The following ZFPM2 variants were observed in gnomAD, a reference collection of about 807,000 sequenced individuals.
The protein encoded by ZFPM2 is zinc finger protein ZFPM2.
ZFPM2 carries 20 observed loss-of-function variants against 98.6 expected under a neutral mutation model. The observed-to-expected ratio is 0.20, with a 90% CI of 0.14 to 0.29. The LOEUF is 0.29. Among genes scored for constraint, ZFPM2 ranks in the 10% least tolerant of loss-of-function variants. The pLI is 1.00. For synonymous variants in ZFPM2, 518 were observed against 502.7 expected, an observed-to-expected ratio of 1.03 and a Z score of -0.41; for missense variants, 1,310 against 1,388.6, an observed-to-expected ratio of 0.94 and a Z score of 0.90.
chr8:105,329,787 A>G (rs1302430580), intron 1 of ZFPM2, among the ~76,000 whole-genome samples: 1 of 151,718 alleles, frequency 6.6e-6, no homozygotes, highest in Non-Finnish European at 1.5e-5. Flanking sequence ...GGTTGGCACA[A>G]TGGGAGAACT....
intron 1 of ZFPM2, among the ~76,000 whole-genome samples, chr8:105,406,227 G>A (rs1464213945): frequency 6.6e-6 from 1 of 152,038 alleles, no homozygotes. Flanking sequence ...TCTGTAGGTT[G>A]CCTGTTCACT....
At chr8:105,463,565 G>A (rs1812742084) in intron 3 of ZFPM2, among the ~76,000 whole-genome samples, 1 of 151,938 alleles carries the variant, frequency 6.6e-6, no homozygotes, top group African/African-American at 2.4e-5. Context: ...AGGACAACAT[G>A]TTTATTCATT....
intron 1 of ZFPM2, among the ~76,000 whole-genome samples, chr8:105,400,651 G>A (rs1811322145): frequency 2.6e-5 from 4 of 151,902 alleles, no homozygotes; most frequent in South Asian, 4.1e-4. Flanking sequence ...TGCACTTTTG[G>A]TATATATTTA....
intron 5 of ZFPM2, among the ~76,000 whole-genome samples, chr8:105,762,470 A>T (rs899867618): frequency 6.6e-6 from 1 of 151,770 alleles, no homozygotes; most frequent in Non-Finnish European, 1.5e-5. Flanking sequence ...GTCCTCTCAA[A>T]CCTTCATTTT....
At chr8:105,471,568 A>G (rs1196670627) in intron 3 of ZFPM2, among the ~76,000 whole-genome samples, 1 of 152,194 alleles carries the variant, frequency 6.6e-6, no homozygotes, top group African/African-American at 2.4e-5. Flanking sequence ...ATCAGAATGT[A>G]GATTGTGGCT....
At chr8:105,399,942 G>A (rs2219932) in intron 1 of ZFPM2, among the ~76,000 whole-genome samples, 69,166 of 151,604 alleles carry the variant, frequency 0.46, 16,767 homozygotes, top group African/African-American at 0.63. Flanking sequence ...ATTTTTTTGT[G>A]TTTTTAGTAG....
At chr8:105,353,111 C>T (rs986587120) in intron 1 of ZFPM2, among the ~76,000 whole-genome samples, 5 of 152,170 alleles carry the variant, frequency 3.3e-5, no homozygotes, top group African/African-American at 1.2e-4. Flanking sequence ...AACCTTCCAA[C>T]ATTATGATGA....
chr8:105,325,776 G>A (rs1028055301), intron 1 of ZFPM2, among the ~76,000 whole-genome samples: 16 of 151,698 alleles, frequency 1.1e-4, no homozygotes, highest in African/African-American at 3.4e-4. Context: ...CTGTCAGGCC[G>A]TCTTTTTGAG....
At chr8:105,569,161 G>A (rs1815303146) in intron 4 of ZFPM2, among the ~76,000 whole-genome samples, 1 of 152,104 alleles carries the variant, frequency 6.6e-6, no homozygotes, top group Admixed American at 6.6e-5. Context: ...ACATAACTGT[G>A]AGCTCCTGTT....
intron 3 of ZFPM2, among the ~76,000 whole-genome samples, chr8:105,510,678 A>G (rs1586426298): frequency 6.6e-6 from 1 of 152,166 alleles, no homozygotes; most frequent in Admixed American, 6.5e-5. Flanking sequence ...AACACCTCTG[A>G]CAAGAATTGA....
At chr8:105,715,798 C>A (rs1392012789) in intron 5 of ZFPM2, among the ~76,000 whole-genome samples, 5 of 152,132 alleles carry the variant, frequency 3.3e-5, no homozygotes, top group Middle Eastern at 3.4e-3. Context: ...GAATTCTCAA[C>A]AGGGAACAAG....
chr8:105,553,129 A>C (rs1814902661), intron 3 of ZFPM2, among the ~76,000 whole-genome samples: 1 of 151,970 alleles, frequency 6.6e-6, no homozygotes, highest in Admixed American at 6.6e-5. Flanking sequence ...TGTTTTTAAA[A>C]ACACTTAGAA....
At chr8:105,510,616 C>A (rs1209842174) in intron 3 of ZFPM2, among the ~76,000 whole-genome samples, 2 of 152,142 alleles carry the variant, frequency 1.3e-5, no homozygotes, top group Non-Finnish European at 2.9e-5. Flanking sequence ...GGTGAAATGG[C>A]ATGATTTAAG....
chr8:105,705,301 A>T (rs1811230157), intron 5 of ZFPM2, among the ~76,000 whole-genome samples: 1 of 152,174 alleles, frequency 6.6e-6, no homozygotes, highest in Non-Finnish European at 1.5e-5. Context: ...ATTAAGTTTA[A>T]GACTGTTTTA....
intron 3 of ZFPM2, among the ~76,000 whole-genome samples, chr8:105,479,352 T>C (rs1813071392): frequency 6.6e-6 from 1 of 152,216 alleles, no homozygotes; most frequent in African/African-American, 2.4e-5. Context: ...TTTTTCCTAG[T>C]AAACATTGTT....
At chr8:105,744,070 T>C (rs1409068341) in intron 5 of ZFPM2, among the ~76,000 whole-genome samples, 2 of 152,124 alleles carry the variant, frequency 1.3e-5, no homozygotes, top group Non-Finnish European at 2.9e-5. Context: ...ACATCATAAA[T>C]ATGCATGTTG....
At chr8:105,751,823 G>C (rs763400761) in intron 5 of ZFPM2, among the ~76,000 whole-genome samples, 3 of 151,708 alleles carry the variant, frequency 2.0e-5, no homozygotes, top group Non-Finnish European at 4.4e-5. Flanking sequence ...CTTCAGCTGA[G>C]TGTGTCTTAG....
intron 5 of ZFPM2, among the ~76,000 whole-genome samples, chr8:105,666,778 A>G (rs1430131665): frequency 6.6e-6 from 1 of 152,210 alleles, no homozygotes; most frequent in Non-Finnish European, 1.5e-5. Flanking sequence ...AAATTGTTCT[A>G]AAAGTCTGCA....
At chr8:105,373,916 A>T (rs1480732093) in intron 1 of ZFPM2, among the ~76,000 whole-genome samples, 1 of 152,180 alleles carries the variant, frequency 6.6e-6, no homozygotes, top group Non-Finnish European at 1.5e-5. Context: ...CTTTGATCCA[A>T]TCACTGGAAT....
Sources: allele counts gnomAD v4.1 joint callset (sites outside exome capture counted in the v4.1 genomes callset), GRCh38; gene constraint gnomAD v4.1.1; transcripts MANE v1.5; gene names NCBI Gene and HGNC (gene_info 2026-07-23, HGNC 2026-07-21).